Variants in CAPN5 observed in about 807,000 individuals in gnomAD.
The protein encoded by CAPN5 is calpain-5.
A neutral mutation model predicts 73.0 loss-of-function variants in CAPN5; 54 were observed. That is an observed-to-expected ratio of 0.74 (90% CI 0.59 to 0.93). The LOEUF (loss-of-function observed/expected upper bound fraction) is 0.93. Among genes scored for constraint, CAPN5 ranks in the 40% least tolerant of loss-of-function variants. The probability of loss-of-function intolerance (pLI) is 0.00; values close to 1 mark genes in which losing one functional copy is unlikely to be tolerated. For missense variants in CAPN5, 785 were observed against 882.9 expected, an observed-to-expected ratio of 0.89 and a Z score of 1.41; for synonymous variants, 335 against 356.9, an observed-to-expected ratio of 0.94 and a Z score of 0.69.
chr11:77,114,309 G>A lies in CAPN5; in HGVS notation c.574G>A (p.Gly192Ser). ...AGACGCACTGGTGGACTTCACGGGT[G>A]GTGTTTCTGAGCCCATCGACCTGAC... ...TADALVDFTGGVSEPIDLTEG... is the reference protein window; with the variant it reads ...TADALVDFTGSVSEPIDLTEG... Residue 192 changes from glycine (G) to serine (S), a missense_variant, in exon 5 of 13, where the codon GGT (glycine) becomes AGT (serine). Transcript: ENST00000648180. The A allele has an allele frequency of 6.2e-7, 1 of 1,614,214 alleles. No homozygotes were observed. The highest frequency in any genetic ancestry group is 8.5e-7 in the Non-Finnish European group (1 of 1,180,036).
At chr11:77,067,628 C>A (rs1012593914) in intron 1 of CAPN5, among the ~76,000 whole-genome samples, 1 of 62,638 alleles carries the variant, frequency 1.6e-5, no homozygotes, top group African/African-American at 7.7e-5. Flanking sequence ...GCAGGGCGGG[C>A]GCACGTGTGT....
chr11:77,080,120 A>T (rs917198700), intron 1 of CAPN5, among the ~76,000 whole-genome samples: 4 of 152,172 alleles, frequency 2.6e-5, no homozygotes, highest in African/African-American at 9.7e-5. Context: ...TCCTTTCCCC[A>T]GTGCATTGTG....
At chr11:77,099,353 C>T (rs1478184665) in intron 3 of CAPN5, among the ~76,000 whole-genome samples, 1 of 128,712 alleles carries the variant, frequency 7.8e-6, no homozygotes, top group African/African-American at 3.1e-5. Flanking sequence ...GCTGCAATCT[C>T]GGCACTTTGG....
intron 1 of CAPN5, among the ~76,000 whole-genome samples, chr11:77,070,591 C>T (rs771335240): frequency 1.8e-4 from 27 of 152,208 alleles, no homozygotes; most frequent in Admixed American, 1.4e-3. Context: ...CATGACACCC[C>T]GGCTCCCATT....
chr11:77,114,494 G>T, intron 5 of CAPN5, 60 bp downstream of exon 5: 1 of 1,467,202 alleles, frequency 6.8e-7, no homozygotes, highest in South Asian at 1.1e-5. Context: ...GACTGAGATG[G>T]GAGACAACTG....
intron 2 of CAPN5, among the ~76,000 whole-genome samples, chr11:77,089,805 C>T (rs960439146): frequency 7.2e-5 from 11 of 152,188 alleles, no homozygotes; most frequent in Admixed American, 6.5e-4. Context: ...ACCCAGGAGG[C>T]GAAGGTTGCA....
At chr11:77,074,954 G>C (rs1949952803) in intron 1 of CAPN5, among the ~76,000 whole-genome samples, 1 of 152,210 alleles carries the variant, frequency 6.6e-6, no homozygotes, top group South Asian at 2.1e-4. Flanking sequence ...ATCCACACGT[G>C]AGACTGCCAG....
intron 2 of CAPN5, 84 bp from the exon 3 acceptor site, chr11:77,093,587 TGTGTCTGTCAC>T (rs1399742793): frequency 1.5e-4 from 116 of 767,592 alleles, no homozygotes; most frequent in Middle Eastern, 3.7e-4. Context: ...ACAGCAAGTC[TGTGTCTGTCAC>T]GTCTGTGTCT....
At chr11:77,101,416 A>G (rs1950282621) in intron 3 of CAPN5, among the ~76,000 whole-genome samples, 1 of 152,206 alleles carries the variant, frequency 6.6e-6, no homozygotes, top group Non-Finnish European at 1.5e-5. Flanking sequence ...CCCTCCAGCT[A>G]CAAAGCAAAA....
At chr11:77,078,330 TTTG>T (rs1949994912) in intron 1 of CAPN5, among the ~76,000 whole-genome samples, 1 of 152,218 alleles carries the variant, frequency 6.6e-6, no homozygotes, top group South Asian at 2.1e-4. Context: ...TCTTTTCCCC[TTTG>T]TGTGTCCTTG....
chr11:77,116,693 G>A (rs1950472054), intron 7 of CAPN5, among the ~76,000 whole-genome samples: 1 of 152,192 alleles, frequency 6.6e-6, no homozygotes. Context: ...CTGGGGCTAT[G>A]CCCAGCCCCT....
chr11:77,110,815 G>T (rs1950403603), intron 3 of CAPN5, among the ~76,000 whole-genome samples: 1 of 152,240 alleles, frequency 6.6e-6, no homozygotes, highest in Non-Finnish European at 1.5e-5. Flanking sequence ...AAACAAAAGT[G>T]TCCTTAATGA....
At chr11:77,102,191 G>A (rs1950292204) in intron 3 of CAPN5, among the ~76,000 whole-genome samples, 1 of 152,194 alleles carries the variant, frequency 6.6e-6, no homozygotes, top group African/African-American at 2.4e-5. Flanking sequence ...CACGGGTCTG[G>A]GTGAGAGATA....
intron 1 of CAPN5, among the ~76,000 whole-genome samples, chr11:77,070,050 A>G (rs1241743894): frequency 6.6e-6 from 1 of 152,136 alleles, no homozygotes; most frequent in Non-Finnish European, 1.5e-5. Flanking sequence ...AGCCAGCCTC[A>G]GGCTTGGATG....
At chr11:77,120,594 C>T (rs1261553691) in intron 9 of CAPN5, 119 bp from the exon 10 acceptor site, 7 of 676,056 alleles carry the variant, frequency 1.0e-5, no homozygotes, top group East Asian at 7.8e-5. Context: ...TTGCCTGTTC[C>T]GGACATTTCA....
intron 3 of CAPN5, among the ~76,000 whole-genome samples, chr11:77,094,429 T>A (rs1950187323): frequency 6.6e-6 from 1 of 152,182 alleles, no homozygotes; most frequent in Non-Finnish European, 1.5e-5. Flanking sequence ...TTGGAAAGAA[T>A]AGGCTCTGGT....
intron 3 of CAPN5, among the ~76,000 whole-genome samples, chr11:77,095,615 C>T (rs1293743453): frequency 6.6e-6 from 1 of 152,202 alleles, no homozygotes; most frequent in Non-Finnish European, 1.5e-5. Flanking sequence ...GCCTTGCTCC[C>T]CCAGACCTCC....
At chr11:77,113,583 T>G (rs982072411) in intron 4 of CAPN5, among the ~76,000 whole-genome samples, 26 of 151,386 alleles carry the variant, frequency 1.7e-4, no homozygotes, top group African/African-American at 5.8e-4. Context: ...GAGAGAGAGA[T>G]AGAAAACAAG....
In CAPN5 at chr11:77,123,771, T is replaced by C. The variant is rs782720581; in HGVS notation, c.1824T>C (p.His608=). 6 of 1,613,822 alleles carry C rather than the reference T, an allele frequency of 3.7e-6. No homozygotes were observed. In the South Asian group the frequency reaches 6.6e-5, roughly 18 times the overall value. Residue 608 remains histidine, a synonymous_variant, in exon 13 of 13, where the codon CAT becomes CAC. Coordinates refer to ENST00000648180, the MANE Select transcript of CAPN5 (RefSeq NM_004055.5). ...ACCCGGACAACCTCCAGGCCCTGCATACCCTCCACCTCCGGGACCGAAATA... is the reference window on the plus strand; with the variant it reads ...ACCCGGACAACCTCCAGGCCCTGCACACCCTCCACCTCCGGGACCGAAATA... ...KADPDNLQAL[H]TLHLRDRNSR...
Sources: gnomAD v4.1 joint callset for allele counts (sites outside exome capture counted in the v4.1 genomes callset) on GRCh38, gnomAD v4.1.1 for gene constraint, MANE v1.5 for transcripts, NCBI Gene and HGNC (gene_info 2026-07-23, HGNC 2026-07-21) for gene names.